SPIDR: variants seen among roughly 807,000 people sequenced by gnomAD.
The protein encoded by SPIDR is scaffold protein involved in DNA repair, also known as DNA repair-scaffolding protein.
SPIDR carries 93 observed loss-of-function variants against 104.6 expected under a neutral mutation model. The observed-to-expected ratio is 0.89, with a 90% confidence interval of 0.75 to 1.06. The LOEUF (loss-of-function observed/expected upper bound fraction) is 1.06. Among genes scored for constraint, SPIDR ranks in the 50% least tolerant of loss-of-function variants. SPIDR has a pLI of 0.00. For missense variants in SPIDR, 1,154 were observed against 1,111.2 expected (o/e 1.04, Z -0.55); for synonymous variants, 431 against 416.9 (o/e 1.03, Z -0.41).
intron 7 of SPIDR, among the ~76,000 whole-genome samples, chr8:47,424,815 A>AACCTTCACTGTT (rs1554683520): frequency 6.6e-6 from 1 of 152,116 alleles, no homozygotes; most frequent in Non-Finnish European, 1.5e-5. Context: ...GGCTCACTGT[A>AACCTTCACTGTT]ACCTCCGCCT....
chr8:47,290,327 GTTCAGGGA>G (rs2039677649), intron 3 of SPIDR, among the ~76,000 whole-genome samples: 2 of 152,328 alleles, frequency 1.3e-5, no homozygotes, highest in South Asian at 4.1e-4. Flanking sequence ...GGTTGACAGA[GTTCAGGGA>G]TTGGTATGGG....
chr8:47,729,632 C>A, intron 19 of SPIDR, 167 bp downstream of exon 19: 1 of 692,062 alleles, frequency 1.4e-6, no homozygotes, highest in Non-Finnish European at 2.4e-6. Flanking sequence ...GCCATTCAGA[C>A]TGATAGGTTC....
At chr8:47,722,078 C>G (rs2083483291) in intron 16 of SPIDR, among the ~76,000 whole-genome samples, 1 of 152,076 alleles carries the variant, frequency 6.6e-6, no homozygotes, top group South Asian at 2.1e-4. Flanking sequence ...TTTAGTTTTC[C>G]TCATACAGAT....
intron 8 of SPIDR, among the ~76,000 whole-genome samples, chr8:47,506,143 G>T (rs554987564): frequency 6.6e-6 from 1 of 152,128 alleles, no homozygotes; most frequent in Admixed American, 6.5e-5. Flanking sequence ...GAATCCAGGC[G>T]AGGCTTTCTA....
chr8:47,577,860 G>A (rs898675819), intron 8 of SPIDR, among the ~76,000 whole-genome samples: 3 of 152,238 alleles, frequency 2.0e-5, no homozygotes, highest in African/African-American at 4.8e-5. Flanking sequence ...GGTGGGACCC[G>A]GCAACCTGTT....
intron 8 of SPIDR, among the ~76,000 whole-genome samples, chr8:47,581,613 T>C (rs917123205): frequency 6.6e-6 from 1 of 152,102 alleles, no homozygotes; most frequent in Non-Finnish European, 1.5e-5. Flanking sequence ...GGCCAGTGGG[T>C]CCCAGAGTTG....
At chr8:47,453,648 T>G (rs1281604592) in intron 8 of SPIDR, among the ~76,000 whole-genome samples, 1 of 152,158 alleles carries the variant, frequency 6.6e-6, no homozygotes, top group Non-Finnish European at 1.5e-5. Flanking sequence ...AAAAACTGGC[T>G]AGCCATATGT....
At chr8:47,633,970 A>AATAGT (rs2067477851) in intron 10 of SPIDR, among the ~76,000 whole-genome samples, 1 of 151,968 alleles carries the variant, frequency 6.6e-6, no homozygotes, top group African/African-American at 2.4e-5. Context: ...GGTGCATGCC[A>AATAGT]ATAGTCCCAG....
At chr8:47,276,648 T>C (rs1339049402) in intron 1 of SPIDR, among the ~76,000 whole-genome samples, 2 of 152,072 alleles carry the variant, frequency 1.3e-5, no homozygotes, top group East Asian at 3.9e-4. Context: ...GTTGGAAAAA[T>C]AAATAAGATA....
chr8:47,451,557 G>C (rs2071728767), intron 8 of SPIDR, among the ~76,000 whole-genome samples: 1 of 148,568 alleles, frequency 6.7e-6, no homozygotes, highest in Non-Finnish European at 1.5e-5. Flanking sequence ...CTCCAGCCTA[G>C]GCGACATTGT....
chr8:47,652,787 G>A (rs1397330629), intron 10 of SPIDR, among the ~76,000 whole-genome samples: 1 of 152,154 alleles, frequency 6.6e-6, no homozygotes, highest in African/African-American at 2.4e-5. Context: ...GGTAGAACAT[G>A]TATGCATACT....
chr8:47,304,560 C>T (rs1163515564), intron 5 of SPIDR, among the ~76,000 whole-genome samples: 1 of 152,060 alleles, frequency 6.6e-6, no homozygotes, highest in Non-Finnish European at 1.5e-5. Context: ...CCACTTTGCT[C>T]TCTTGCTTTC....
At chr8:47,459,942 T>C (rs2073665427) in intron 8 of SPIDR, among the ~76,000 whole-genome samples, 1 of 152,182 alleles carries the variant, frequency 6.6e-6, no homozygotes, top group Non-Finnish European at 1.5e-5. Flanking sequence ...ATTTGCATGG[T>C]TTTGAAGGTT....
At chr8:47,557,499 T>C (rs915977500) in intron 8 of SPIDR, among the ~76,000 whole-genome samples, 3 of 152,178 alleles carry the variant, frequency 2.0e-5, no homozygotes, top group South Asian at 2.1e-4. Context: ...CTAAACTGTT[T>C]GCAAGTCAGA....
intron 5 of SPIDR, among the ~76,000 whole-genome samples, chr8:47,376,939 A>G (rs1005631418): frequency 1.3e-5 from 2 of 152,194 alleles, no homozygotes; most frequent in South Asian, 2.1e-4. Context: ...TTGGAGTACA[A>G]CCACACTCAC....
intron 16 of SPIDR, 114 bp downstream of exon 16, chr8:47,713,755 A>T: frequency 7.4e-7 from 1 of 1,350,538 alleles, no homozygotes; most frequent in Non-Finnish European, 1.0e-6. Flanking sequence ...AGTTCCAGAC[A>T]CTGGATACAT....
intron 6 of SPIDR, among the ~76,000 whole-genome samples, chr8:47,407,602 C>T (rs2062936365): frequency 6.6e-6 from 1 of 152,152 alleles, no homozygotes; most frequent in Non-Finnish European, 1.5e-5. Context: ...ATTTAGCTGT[C>T]ATATTTCCAA....
At chr8:47,314,877 C>G (rs2044986656) in intron 5 of SPIDR, among the ~76,000 whole-genome samples, 3 of 152,086 alleles carry the variant, frequency 2.0e-5, no homozygotes, top group Admixed American at 2.0e-4. Flanking sequence ...ACAAGACTTC[C>G]TGTATTCTGT....
intron 7 of SPIDR, among the ~76,000 whole-genome samples, chr8:47,418,147 C>T (rs1204666250): frequency 6.6e-6 from 1 of 151,996 alleles, no homozygotes; most frequent in African/African-American, 2.4e-5. Context: ...TATTTTTTTC[C>T]AATTCTGTGA....
Sources: allele counts gnomAD v4.1 joint callset (sites outside exome capture counted in the v4.1 genomes callset), GRCh38; gene constraint gnomAD v4.1.1; transcripts MANE v1.5; gene names NCBI Gene and HGNC (gene_info 2026-07-23, HGNC 2026-07-21).